CDKAL1: variants seen among roughly 807,000 people sequenced by gnomAD.
The protein encoded by CDKAL1 is threonylcarbamoyladenosine tRNA methylthiotransferase.
In CDKAL1, 32 loss-of-function variants were observed where a neutral mutation model predicts 68.2. The ratio of observed to expected loss-of-function variants is 0.47; its 90% CI spans 0.35 to 0.63. The LOEUF (loss-of-function observed/expected upper bound fraction) is 0.63, where lower values mean the gene tolerates loss of function less well. Ranked by LOEUF, CDKAL1 falls within the 30% of genes least tolerant of loss-of-function variation. The probability of loss-of-function intolerance (pLI) is 0.00; values close to 1 mark genes in which losing one functional copy is unlikely to be tolerated. For synonymous variants in CDKAL1, 234 were observed against 244.3 expected, an observed-to-expected ratio of 0.96 and a Z score of 0.39; for missense variants, 606 against 696.7, an observed-to-expected ratio of 0.87 and a Z score of 1.47.
chr6:21,140,878 G>A lies in CDKAL1; in HGVS notation c.1299+32415G>A, dbSNP rs367580710. Among the ~76,000 whole-genome samples, 35 of 152,306 alleles carry A rather than the reference G, an allele frequency of 2.3e-4. 1 individual carries two copies. Among genetic ancestry groups the A allele is most frequent in the South Asian group, 1.2e-3 (6 of 4,826 alleles). Reference sequence around the variant, plus strand: ...GTTCCACATGGCTGGGGAGGCCTCCGAATCATGGCGGGAGGCAAAAGGCAC... The same window carrying A: ...GTTCCACATGGCTGGGGAGGCCTCCAAATCATGGCGGGAGGCAAAAGGCAC... On this transcript the variant is annotated intron_variant, in intron 13 of 15. Transcript: ENST00000274695.
At chr6:20,569,495 G>A (rs190783504) in intron 4 of CDKAL1, among the ~76,000 whole-genome samples, 3 of 152,148 alleles carry the variant, frequency 2.0e-5, no homozygotes, top group Admixed American at 1.3e-4. Context: ...AGAGCATTTC[G>A]AGTGAGTTAG....
chr6:20,907,010 G>A (rs1035466007), intron 9 of CDKAL1, among the ~76,000 whole-genome samples: 9 of 152,142 alleles, frequency 5.9e-5, no homozygotes, highest in Non-Finnish European at 1.3e-4. Context: ...ACATACATGA[G>A]TACTTAAAGT....
At chr6:21,214,706 C>T (rs1210064083) in intron 15 of CDKAL1, among the ~76,000 whole-genome samples, 2 of 152,126 alleles carry the variant, frequency 1.3e-5, no homozygotes, top group Non-Finnish European at 2.9e-5. Flanking sequence ...CTATTTTCTC[C>T]ATGGCACATT....
intron 11 of CDKAL1, among the ~76,000 whole-genome samples, chr6:21,039,068 A>ATAGATACCAGTCCATGGC (rs1437256835): frequency 6.6e-6 from 1 of 152,154 alleles, no homozygotes; most frequent in African/African-American, 2.4e-5. Context: ...CAGGACACGG[A>ATAGATACCAGTCCATGGC]CTGATACCAG....
intron 12 of CDKAL1, 83 bp from the exon 13 acceptor site, chr6:21,108,318 T>A: frequency 1.2e-6 from 1 of 815,150 alleles, no homozygotes; most frequent in African/African-American, 1.8e-5. Flanking sequence ...TGTAGAGATA[T>A]ATACACACAT....
chr6:20,592,468 C>CTTTT (rs34023799), intron 4 of CDKAL1, among the ~76,000 whole-genome samples: 2 of 130,444 alleles, frequency 1.5e-5, no homozygotes, highest in African/African-American at 2.8e-5. Context: ...ATGCTTCCAG[C>CTTTT]TTTTTTTTTT....
chr6:20,697,151 A>T (rs1004329744), intron 5 of CDKAL1, among the ~76,000 whole-genome samples: 1 of 152,170 alleles, frequency 6.6e-6, no homozygotes, highest in African/African-American at 2.4e-5. Context: ...ACAAGATGTC[A>T]TGCAAAAACT....
intron 4 of CDKAL1, among the ~76,000 whole-genome samples, chr6:20,600,325 A>G (rs894980683): frequency 3.3e-5 from 5 of 152,090 alleles, no homozygotes; most frequent in African/African-American, 1.2e-4. Context: ...GTTTTTGGCT[A>G]TTTACAAAGG....
chr6:20,781,375 G>GA (rs1467788239), intron 8 of CDKAL1, 110 bp downstream of exon 8: 4 of 937,214 alleles, frequency 4.3e-6, no homozygotes, highest in South Asian at 1.9e-5. Flanking sequence ...TCTTGGGAAA[G>GA]AAAAATTACA....
chr6:20,894,846 A>AAT lies in CDKAL1; in HGVS notation c.742+48676_742+48677dup, dbSNP rs535749281. Among the ~76,000 whole-genome samples, 78 of 152,268 alleles carry AAT rather than the reference A, an allele frequency of 5.1e-4. 1 individual carries two copies. Among genetic ancestry groups the AAT allele is most frequent in the Admixed American group, 3.7e-3 (56 of 15,296 alleles). On this transcript the variant is annotated intron_variant, in intron 9 of 15. Coordinates refer to ENST00000274695, the MANE Select transcript of CDKAL1 (RefSeq NM_017774.3). Reference sequence around the variant, plus strand: ...ATCATAGTGAGACCCTGTGTTTTAAAATATATATACAGTAGGTAAGATAAC... The same window carrying AAT: ...ATCATAGTGAGACCCTGTGTTTTAAAATATATATATACAGTAGGTAAGATAAC...
chr6:20,851,303 G>A (rs974077802), intron 9 of CDKAL1, among the ~76,000 whole-genome samples: 4 of 152,174 alleles, frequency 2.6e-5, no homozygotes, highest in Non-Finnish European at 2.9e-5. Flanking sequence ...ATGTCAAGTG[G>A]TGACCAGGAC....
intron 13 of CDKAL1, among the ~76,000 whole-genome samples, chr6:21,145,613 G>A (rs1340239201): frequency 1.3e-5 from 2 of 152,226 alleles, no homozygotes; most frequent in African/African-American, 4.8e-5. Flanking sequence ...GGAATAGAGT[G>A]ATATCAAGTA....
intron 8 of CDKAL1, among the ~76,000 whole-genome samples, chr6:20,797,715 A>G (rs1776165426): frequency 6.6e-6 from 1 of 152,084 alleles, no homozygotes; most frequent in African/African-American, 2.4e-5. Flanking sequence ...GCTTATGCCA[A>G]GTGAAATAAG....
intron 4 of CDKAL1, among the ~76,000 whole-genome samples, chr6:20,646,015 T>C (rs1409034295): frequency 6.7e-6 from 1 of 149,798 alleles, no homozygotes; most frequent in Non-Finnish European, 1.5e-5. Flanking sequence ...ACCTGCCTCC[T>C]GGAGGACCTT....
At chr6:20,896,058 T>C (rs1761663384) in intron 9 of CDKAL1, among the ~76,000 whole-genome samples, 1 of 151,794 alleles carries the variant, frequency 6.6e-6, no homozygotes, top group Non-Finnish European at 1.5e-5. Flanking sequence ...GAGATTGGGA[T>C]TGGAAATGGC....
At chr6:20,665,666 C>T (rs1383839610) in intron 5 of CDKAL1, among the ~76,000 whole-genome samples, 5 of 125,966 alleles carry the variant, frequency 4.0e-5, no homozygotes, top group African/African-American at 1.8e-4. Context: ...ATGATAAGTT[C>T]TTGGAAACTA....
rs141573250 is a variant in CDKAL1 at position 20,878,857 on chromosome 6, T to A, written c.742+32679T>A. On this transcript the variant is annotated intron_variant, in intron 9 of 15. Coordinates refer to ENST00000274695, the MANE Select transcript of CDKAL1 (RefSeq NM_017774.3). ...ACTTTGCGAGGCCAACGTGGGCGGA[T>A]CACCTGAGGTCAGGGGTTCAAGACC... Among the ~76,000 whole-genome samples the A allele has an allele frequency of 3.6e-3, 552 of 152,028 alleles. 4 individuals are homozygous for A. The highest frequency in any genetic ancestry group is 0.012 in the African/African-American group (479 of 41,452).
chr6:20,716,571 A>G (rs1018143026), intron 5 of CDKAL1, among the ~76,000 whole-genome samples: 3 of 151,548 alleles, frequency 2.0e-5, no homozygotes, highest in Admixed American at 1.3e-4. Context: ...TGCTTGTTTC[A>G]TTTTGTTTTG....
At chr6:21,033,078 G>T (rs1275761935) in intron 11 of CDKAL1, among the ~76,000 whole-genome samples, 2 of 152,158 alleles carry the variant, frequency 1.3e-5, no homozygotes, top group Non-Finnish European at 2.9e-5. Flanking sequence ...TTGCCAGTTG[G>T]TAAACTGGTT....
Sources: gnomAD v4.1 joint callset for allele counts (sites outside exome capture counted in the v4.1 genomes callset) on GRCh38, gnomAD v4.1.1 for gene constraint, MANE v1.5 for transcripts, NCBI Gene and HGNC (gene_info 2026-07-23, HGNC 2026-07-21) for gene names.